The following THYN1 variants were observed in gnomAD, a reference collection of about 807,000 sequenced individuals.
THYN1 encodes thymocyte nuclear protein 1, also known as thymocyte protein thy28.
Under a neutral mutation model 30.6 loss-of-function variants are expected in THYN1, and 32 were observed. That is an observed-to-expected ratio of 1.05 (90% confidence interval 0.79 to 1.40). The LOEUF (loss-of-function observed/expected upper bound fraction) is 1.40. THYN1 is among the 40% of genes most tolerant of loss of function. THYN1 has a pLI of 0.00. For synonymous variants in THYN1, 107 were observed against 90.8 expected (o/e 1.18, Z -1.01); for missense variants, 259 against 272.6 (o/e 0.95, Z 0.35).
chr11:134,249,354 C>A, intron 4 of THYN1, 92 bp from the exon 5 acceptor site: 1 of 1,308,852 alleles, frequency 7.6e-7, no homozygotes, highest in African/African-American at 1.5e-5. Flanking sequence ...TTCTTCCCTG[C>A]ACATTCTTAA....
intron 1 of THYN1, 65 bp downstream of exon 1, chr11:134,252,775 C>G: frequency 6.3e-7 from 1 of 1,587,478 alleles, no homozygotes; most frequent in Non-Finnish European, 8.6e-7. Flanking sequence ...AAAATGAGTA[C>G]TAAACAGGCT....
chr11:134,251,415 A>G (rs1046885413), intron 1 of THYN1, 107 bp from the exon 2 acceptor site: 102 of 1,263,622 alleles, frequency 8.1e-5, no homozygotes, highest in Non-Finnish European at 1.0e-4. Flanking sequence ...TCATGGATCC[A>G]TTACCAGCTG....
At position 134,249,278 on chromosome 11, in the gene THYN1, A is replaced by G. The variant is rs1261028534; in HGVS notation, c.385-16T>C. 8.1e-6 allele frequency: 13 copies of G among 1,613,452 alleles called. No individual in the cohort carries two copies. The highest frequency in any genetic ancestry group is 1.6e-4 in the Middle Eastern group (1 of 6,082). ...CTTTCACGATCTGAAACCAAAACAA[A>G]AGCTTTGAATCATCTGCCTGCAGTC... On this transcript the variant is annotated splice_polypyrimidine_tract_variant and intron_variant, in intron 4 of 6. Coordinates refer to ENST00000341541, the MANE Select transcript of THYN1 (RefSeq NM_014174.3).
In THYN1 at chr11:134,252,909, G is replaced by A. The variant is rs780524366; in HGVS notation, c.-27C>T. Reference sequence around the variant, plus strand: ...GTCACGCTGCAGGGGACTTTAGTGCGGACGATTCTGGAATCAACGGAGATA... The same window carrying A: ...GTCACGCTGCAGGGGACTTTAGTGCAGACGATTCTGGAATCAACGGAGATA... On this transcript the variant is annotated 5_prime_UTR_variant, in exon 1 of 7. Coordinates refer to ENST00000341541, the MANE Select transcript of THYN1 (RefSeq NM_014174.3). 2.0e-5 allele frequency: 32 copies of A among 1,568,924 alleles called. No individual in the cohort carries two copies. The highest frequency in any genetic ancestry group is 2.7e-5 in the Non-Finnish European group (31 of 1,162,714).
Position 134,253,243 on chromosome 11 carries a change from A to G in THYN1, c.-361T>C. On this transcript the variant is annotated 5_prime_UTR_variant, in exon 1 of 7. Transcript: ENST00000341541. Reference sequence around the variant, plus strand: ...TTGTGTTACCTTGTTATCCTTGCTAATTAGGATCAACTGAATGGATAATCT... The same window carrying G: ...TTGTGTTACCTTGTTATCCTTGCTAGTTAGGATCAACTGAATGGATAATCT... 1 of 1,322,746 alleles carries G rather than the reference A, an allele frequency of 7.6e-7. No homozygotes were observed. The highest frequency in any genetic ancestry group is 9.6e-7 in the Non-Finnish European group (1 of 1,036,988). 81.9% of individuals were successfully genotyped at this position (1,322,746 alleles called of 1,614,324 possible). A position where few individuals can be genotyped will look rare whatever the true frequency, so the allele number is the denominator to read the frequency against.
In THYN1 at chr11:134,253,272, T is replaced by A. The variant is rs1939214458; in HGVS notation, c.-390A>T. The A allele has an allele frequency of 7.4e-7, 1 of 1,345,082 alleles. No individual in the cohort carries two copies. The highest frequency in any genetic ancestry group is 1.5e-5 in the African/African-American group (1 of 66,722). 83.3% of individuals were successfully genotyped at this position (1,345,082 alleles called of 1,614,324 possible). A position where few individuals can be genotyped will look rare whatever the true frequency, so the allele number is the denominator to read the frequency against. On this transcript the variant is annotated 5_prime_UTR_variant, in exon 1 of 7. Coordinates refer to ENST00000341541, the MANE Select transcript of THYN1 (RefSeq NM_014174.3). ...GGATCAACTGAATGGATAATCTAGA[T>A]GATGAAGTAATTTGCTGGCTACAGA... is the stretch of plus-strand genomic sequence containing the variant.
At chr11:134,248,668 A>G in intron 6 of THYN1, 141 bp downstream of exon 6, 6 of 1,374,788 alleles carry the variant, frequency 4.4e-6, no homozygotes, top group South Asian at 4.1e-5. Context: ...CTCTGGCCAC[A>G]TTCCCTCCCT....
At chr11:134,250,084 G>A (rs1177219712) in intron 3 of THYN1, among the ~76,000 whole-genome samples, 164 bp from the exon 4 acceptor site, 9 of 152,168 alleles carry the variant, frequency 5.9e-5, no homozygotes, top group Admixed American at 5.9e-4. Flanking sequence ...CTTTTACCAG[G>A]ACATTGGCCA....
chr11:134,250,872 T>C (rs1253282116), intron 2 of THYN1, among the ~76,000 whole-genome samples: 1 of 152,184 alleles, frequency 6.6e-6, no homozygotes, highest in East Asian at 1.9e-4. Context: ...AGGGCAGGGT[T>C]GCAACAGAGA....
intron 2 of THYN1, 69 bp from the exon 3 acceptor site, chr11:134,250,412 G>A (rs2136061117): frequency 6.4e-7 from 1 of 1,561,004 alleles, no homozygotes; most frequent in East Asian, 2.3e-5. Context: ...TATGGAAGCA[G>A]ACAGTTCCTT....
chr11:134,250,234 T>C (rs754841073), intron 3 of THYN1, 41 bp downstream of exon 3: 2 of 1,608,668 alleles, frequency 1.2e-6, no homozygotes, highest in Non-Finnish European at 8.5e-7. Context: ...CAGGCATTCA[T>C]CCCACCTGGG....
intron 4 of THYN1, 45 bp downstream of exon 4, chr11:134,249,783 C>T: frequency 6.3e-7 from 1 of 1,578,714 alleles, no homozygotes; most frequent in Non-Finnish European, 8.7e-7. Context: ...TTAAGTTAGT[C>T]TCCCTGGAGG....
In THYN1 at chr11:134,252,842, G is replaced by T. The variant is rs1257895976; in HGVS notation, c.41C>A (p.Ser14Ter). Residue 14 changes from serine (S) to a stop codon, truncating the protein, a stop_gained and splice_region_variant, in exon 1 of 7, where the codon TCA (serine) becomes TAA (stop). Coordinates refer to ENST00000341541, the MANE Select transcript of THYN1 (RefSeq NM_014174.3). LOFTEE classifies it high-confidence loss of function. ...PRKRLAGTSG[S>*]DKGLSGKRTK... ...TGTGCAGCCTAGGGGCAGCTCACCT[G>T]AACCAGAAGTCCCAGCCAGCCTCTT... 2.5e-6 allele frequency: 4 copies of T among 1,612,636 alleles called. No individual in the cohort carries two copies. Among genetic ancestry groups the T allele is most frequent in the Non-Finnish European group, 3.4e-6 (4 of 1,179,574 alleles).
In THYN1 at chr11:134,252,931, G is replaced by T. The variant is rs1044696982; in HGVS notation, c.-49C>A. 6.5e-7 allele frequency: 1 copy of T among 1,533,910 alleles called. No individual in the cohort carries two copies. The highest frequency in any genetic ancestry group is 8.7e-7 in the Non-Finnish European group (1 of 1,143,786). On this transcript the variant is annotated 5_prime_UTR_variant, in exon 1 of 7. Transcript: ENST00000341541. Reference sequence around the variant, plus strand: ...TGCGGACGATTCTGGAATCAACGGAGATACAAGAAAGAATGCTAATGTCCT... The same window carrying T: ...TGCGGACGATTCTGGAATCAACGGATATACAAGAAAGAATGCTAATGTCCT...
At chr11:134,248,992 G>A (rs368822230) in intron 5 of THYN1, 33 bp from the exon 6 acceptor site, 17 of 1,611,860 alleles carry the variant, frequency 1.1e-5, no homozygotes, top group African/African-American at 9.4e-5. Context: ...ACAGAAAGAC[G>A]TGTCTAGGCT....
At position 134,251,324 on chromosome 11, in the gene THYN1, C is replaced by T. The variant is rs377680114; in HGVS notation, c.44-16G>A. ...AGTCCCTTGTCTGCAATAGGAGAAG[C>T]AAAAAGAAAAGATCATGCTTGTTAA... On this transcript the variant is annotated splice_polypyrimidine_tract_variant and intron_variant, in intron 1 of 6. Coordinates refer to ENST00000341541, the MANE Select transcript of THYN1 (RefSeq NM_014174.3). 44 of 1,589,002 alleles carry T rather than the reference C, an allele frequency of 2.8e-5. 1 individual carries two copies. The South Asian group carries it at 4.9e-4, about 18-fold the overall frequency.
chr11:134,249,238 G>C lies in THYN1; in HGVS notation c.409C>G (p.His137Asp), dbSNP rs143669769. 1.9e-6 allele frequency: 3 copies of C among 1,614,042 alleles called. No individual in the cohort carries two copies. The Admixed American group carries it at 5.0e-5, about 27-fold the overall frequency. The change falls in exon 5 of 7, where the codon CAC (histidine) becomes GAC (aspartate). Residue 137 changes from histidine to aspartate, a missense_variant. Transcript: ENST00000341541. The stretch of plus-strand genomic sequence containing the variant: ...GGATTGTTTTTCTCAAACTGTGTGT[G>C]GTCTGGGTAAGCCTCTTTCACGATC... ...MKIVKEAYPD[H>D]TQFEKNNPHY...
At chr11:134,248,736 T>C (rs752148066) in intron 6 of THYN1, 73 bp downstream of exon 6, 16 of 1,588,428 alleles carry the variant, frequency 1.0e-5, no homozygotes, top group Non-Finnish European at 1.4e-5. Flanking sequence ...TGCCCAAGTT[T>C]AATCAGCTAG....
Position 134,252,858 on chromosome 11 carries a change from C to G in THYN1, c.25G>C (p.Ala9Pro). 6.2e-7 allele frequency: 1 copy of G among 1,609,356 alleles called. No homozygotes were observed. Among genetic ancestry groups the G allele is most frequent in the Non-Finnish European group, 8.5e-7 (1 of 1,178,700 alleles). Reference sequence around the variant, plus strand: ...AGCTCACCTGAACCAGAAGTCCCAGCCAGCCTCTTCCGGGGTCTCGACATG... The same window carrying G: ...AGCTCACCTGAACCAGAAGTCCCAGGCAGCCTCTTCCGGGGTCTCGACATG... MSRPRKRL[A>P]GTSGSDKGLS... Residue 9 changes from alanine (A) to proline (P), a missense_variant, in exon 1 of 7, where the codon GCT becomes CCT. Physicochemically the swap from Ala to Pro is conservative, Grantham distance 27 (BLOSUM62 -1). Coordinates refer to ENST00000341541, the MANE Select transcript of THYN1 (RefSeq NM_014174.3).
Sources: gnomAD v4.1 joint callset for allele counts (sites outside exome capture counted in the v4.1 genomes callset) on GRCh38, gnomAD v4.1.1 for gene constraint, MANE v1.5 for transcripts, NCBI Gene and HGNC (gene_info 2026-07-23, HGNC 2026-07-21) for gene names.